The following KIF26A variants were observed in gnomAD, a reference collection of about 807,000 sequenced individuals.
KIF26A encodes the protein kinesin-like protein KIF26A.
A neutral mutation model predicts 126.0 loss-of-function variants in KIF26A; 74 were observed. That is an observed-to-expected ratio of 0.59 (90% CI 0.49 to 0.71). The LOEUF is 0.71. Among genes scored for constraint, KIF26A ranks in the 30% least tolerant of loss-of-function variants. The pLI is 0.00. For missense variants in KIF26A, 2,984 were observed against 2,763.3 expected, an observed-to-expected ratio of 1.08 and a Z score of -1.79; for synonymous variants, 1,445 against 1,232.7, an observed-to-expected ratio of 1.17 and a Z score of -3.61.
chr14:104,165,617 CTGTA>C (rs1260079801), intron 4 of KIF26A, among the ~76,000 whole-genome samples: 1 of 143,380 alleles, frequency 7.0e-6, no homozygotes, highest in Non-Finnish European at 1.5e-5. Context: ...GTCTCTGTCT[CTGTA>C]TGCATGTGTG....
rs752384349 is a variant in KIF26A, at chr14:104,157,876, T to C, written c.857T>C (p.Val286Ala). Reference protein sequence around the residue: ...GRGGVCTSALVTPTPGSVGGS... With the variant: ...GRGGVCTSALATPTPGSVGGS... ...GGTGGAGTCTGCACGTCAGCCCTGG[T>C]CACCCCCACCCCGGGCTCGGTGGGG... The change falls in exon 4 of 15, where the codon GTC (valine) becomes GCC (alanine). Residue 286 changes from valine to alanine, a missense_variant. Transcript: ENST00000423312. The C allele has an allele frequency of 6.3e-7, 1 of 1,596,084 alleles. No individual in the cohort carries two copies. The highest frequency in any genetic ancestry group is 1.1e-5 in the South Asian group (1 of 90,062).
rs528863668 is a variant in KIF26A, at chr14:104,139,020, G to A, written c.43-23G>A. 268 of 1,330,970 alleles carry A rather than the reference G, an allele frequency of 2.0e-4. 1 individual carries two copies. The African/African-American group carries it at 3.6e-3, about 18-fold the overall frequency. 82.4% of individuals were successfully genotyped at this position (1,330,970 alleles called of 1,614,324 possible). On this transcript the variant is annotated intron_variant, in intron 1 of 14. Transcript: ENST00000423312. ...GACGGACGTCCCAGGCTCACTGTCC[G>A]CTTCCGCCCCCACACCCTGCAGGTG...
chr14:104,179,642 C>G lies in KIF26A; in HGVS notation c.5501C>G (p.Ala1834Gly). ...GACCCGGAGCTGGAGCCCGAGTCGGCCGAGTACCTGGCGGCCCTGGAGCGA... is the reference window on the plus strand; with the variant it reads ...GACCCGGAGCTGGAGCCCGAGTCGGGCGAGTACCTGGCGGCCCTGGAGCGA... ...EVDPELEPES[A>G]EYLAALERAT... Residue 1834 changes from alanine (A) to glycine (G), a missense_variant, in exon 15 of 15, where the codon GCC becomes GGC. Physicochemically the swap from Ala to Gly is moderately conservative, Grantham distance 60 (BLOSUM62 0). Coordinates refer to ENST00000423312, the MANE Select transcript of KIF26A (RefSeq NM_015656.2). 4 of 1,543,930 alleles carry G rather than the reference C, an allele frequency of 2.6e-6. No individual in the cohort carries two copies. Among genetic ancestry groups the G allele is most frequent in the Non-Finnish European group, 3.5e-6 (4 of 1,143,738 alleles).
chr14:104,171,676 C>T (rs756331527), intron 5 of KIF26A, 47 bp from the exon 6 acceptor site: 11 of 1,490,552 alleles, frequency 7.4e-6, no homozygotes, highest in Middle Eastern at 3.8e-4. Context: ...AATTAGTGGC[C>T]GGCTGGGCGG....
chr14:104,157,823 T>C lies in KIF26A; in HGVS notation c.804T>C (p.Pro268=). 6.2e-7 allele frequency: 1 copy of C among 1,609,498 alleles called. No individual in the cohort carries two copies. Among genetic ancestry groups the C allele is most frequent in the Non-Finnish European group, 8.5e-7 (1 of 1,178,410 alleles). The change falls in exon 4 of 15, where the codon CCT becomes CCC. Residue 268 remains proline (P), a synonymous_variant. Coordinates refer to ENST00000423312, the MANE Select transcript of KIF26A (RefSeq NM_015656.2). ...GAGAATGCCCCCCCGTGGCCGGCCC[T>C]GATGGCTTGTCGAAGGCCTGGGGCC... ...TVRECPPVAG[P]DGLSKAWGRG... is the part of the protein sequence containing the mutation.
chr14:104,139,066 C>A lies in KIF26A; in HGVS notation c.66C>A (p.Arg22=). ...QPAVAEGGPA[R]EPPPLLEVSP... is the part of the protein sequence containing the mutation. The stretch of plus-strand genomic sequence containing the variant: ...AGGTGGCCGAGGGCGGCCCGGCCCG[C>A]GAGCCGCCGCCGCTGCTGGAGGTGT... The change falls in exon 2 of 15, where the codon CGC becomes CGA. Residue 22 remains arginine (R), a synonymous_variant. Transcript: ENST00000423312. 2 of 1,382,928 alleles carry A rather than the reference C, an allele frequency of 1.4e-6. No homozygotes were observed. The highest frequency in any genetic ancestry group is 1.9e-6 in the Non-Finnish European group (2 of 1,075,366). The allele number at this position is 1,382,928 out of a possible 1,614,324, so 85.7% of individuals were successfully genotyped here.
rs2038013114 is a variant in KIF26A, at chr14:104,175,600, A to G, written c.2812A>G (p.Lys938Glu). The part of the protein sequence containing the change: ...SAWPELLVPE[K>E]AAVSGGRRPL... ...TTGGCCTGAGCTGCTGGTCCCGGAA[A>G]AGGCTGCAGTGAGTGGAGGCAGGAG... The change falls in exon 12 of 15, where the codon AAG (lysine) becomes GAG (glutamate). Residue 938 changes from lysine to glutamate, a missense_variant. Coordinates refer to ENST00000423312, the MANE Select transcript of KIF26A (RefSeq NM_015656.2). 2 of 1,610,458 alleles carry G rather than the reference A, an allele frequency of 1.2e-6. No homozygotes were observed. Among genetic ancestry groups the G allele is most frequent in the African/African-American group, 2.7e-5 (2 of 74,928 alleles).
chr14:104,152,288 G>T lies in KIF26A; in HGVS notation c.562G>T (p.Gly188Trp). 6.3e-7 allele frequency: 1 copy of T among 1,588,058 alleles called. No individual in the cohort carries two copies. Among genetic ancestry groups the T allele is most frequent in the Non-Finnish European group, 8.6e-7 (1 of 1,169,542 alleles). Residue 188 changes from glycine to tryptophan, a missense_variant, in exon 3 of 15, where the codon GGG becomes TGG. Physicochemically the swap from Gly to Trp is radical, Grantham distance 184. Transcript: ENST00000423312. The surrounding 1 kb of genome is among the most constrained non-coding windows in gnomAD (Gnocchi z 5.9). ...TGCAGGGAGGCAGCCAGGACGAGCT[G>T]GGCCAGACAGGACCAAGGGGCTGGC... ...GPAGRQPGRA[G>W]PDRTKGLAWS... is the part of the protein sequence containing the mutation.
chr14:104,139,415 C>A, intron 2 of KIF26A, 127 bp downstream of exon 2: 1 of 1,179,334 alleles, frequency 8.5e-7, no homozygotes, highest in Non-Finnish European at 1.1e-6. Context: ...GAGTTATCAG[C>A]CAGGACTTCC....
At position 104,157,701 on chromosome 14, in the gene KIF26A, G is replaced by A. The variant is rs946308886; in HGVS notation, c.736-54G>A. 20 of 1,554,220 alleles carry A rather than the reference G, an allele frequency of 1.3e-5. No individual in the cohort carries two copies. The African/African-American group carries it at 1.4e-4, about 11-fold the overall frequency. ...TCTCTCCCACTCCGGGTGCCAGGGG[G>A]CAGTGGTGTCTCTGCCCTTGCGTTC... On this transcript the variant is annotated intron_variant, in intron 3 of 14. Transcript: ENST00000423312.
rs562841482 is a variant in KIF26A at position 104,158,077 on chromosome 14, C to T, written c.923+135C>T. 1.8e-4 allele frequency: 155 copies of T among 856,794 alleles called. 1 individual carries two copies. In the South Asian group the frequency reaches 3.0e-3, roughly 16 times the overall value. The allele number at this position is 856,794 out of a possible 1,614,324, so 53.1% of individuals were successfully genotyped here. On this transcript the variant is annotated intron_variant, in intron 4 of 14. Coordinates refer to ENST00000423312, the MANE Select transcript of KIF26A (RefSeq NM_015656.2). ...GCTGAGACGAGTGGATGGGGAGCTG[C>T]TCCGACCACAGCTGCTGAGCCGCTC...
chr14:104,147,086 C>CAGT (rs1341223931), intron 2 of KIF26A, among the ~76,000 whole-genome samples: 3 of 152,148 alleles, frequency 2.0e-5, no homozygotes, highest in Non-Finnish European at 4.4e-5. Flanking sequence ...CTGCAGCCTA[C>CAGT]ATGGAGTTGG....
At chr14:104,171,064 C>A (rs528160608) in intron 5 of KIF26A, among the ~76,000 whole-genome samples, 1 of 152,338 alleles carries the variant, frequency 6.6e-6, no homozygotes, top group African/African-American at 2.4e-5. Flanking sequence ...CCGGTGAGGC[C>A]GAGGCGTCAG....
Position 104,151,025 on chromosome 14 carries a change from G to T in KIF26A, c.289-990G>T, listed in dbSNP as rs1445619794. On this transcript the variant is annotated intron_variant, in intron 2 of 14. Coordinates refer to ENST00000423312, the MANE Select transcript of KIF26A (RefSeq NM_015656.2). This position sits in a 1 kb window ranked among gnomAD's most constrained non-coding sequence, Gnocchi z 4.9. ...CTCTGGCCCTGACTGTTGCAGAGTG[G>T]TCCCAAGGAGGGGCAAGGCCAGAGC... Among the ~76,000 whole-genome samples, 1 of 152,200 alleles carries T rather than the reference G, an allele frequency of 6.6e-6. No homozygotes were observed. The highest frequency in any genetic ancestry group is 1.9e-4 in the East Asian group (1 of 5,192).
Position 104,175,002 on chromosome 14 carries a change from CG to C in KIF26A, c.2218del (p.Glu740ArgfsTer82). The stretch of plus-strand genomic sequence containing the variant: ...CCCAGTACGCCTCCAGCTCCTCTGG[CG>C]GGGAGAGCTCCTGTGAGGAAGGCCG... The part of the protein sequence containing the change: ...KAKYASSSSG[G>X]ESSCEEGRAR... On this transcript the variant is annotated frameshift_variant, in exon 12 of 15. Coordinates refer to ENST00000423312, the MANE Select transcript of KIF26A (RefSeq NM_015656.2). LOFTEE classifies it high-confidence loss of function. The C allele has an allele frequency of 6.5e-7, 1 of 1,549,388 alleles. No individual in the cohort carries two copies.
At chr14:104,158,027 T>C in intron 4 of KIF26A, 85 bp downstream of exon 4, 2 of 1,281,050 alleles carry the variant, frequency 1.6e-6, no homozygotes, top group Non-Finnish European at 2.1e-6. Flanking sequence ...TGGGCCGTTC[T>C]TGGGGGACCT....
intron 2 of KIF26A, among the ~76,000 whole-genome samples, chr14:104,149,350 G>T (rs1436979483): frequency 2.6e-5 from 4 of 152,182 alleles, no homozygotes; most frequent in African/African-American, 7.2e-5. Flanking sequence ...TTTCGCTGTG[G>T]GGCCCGGCCT....
At chr14:104,164,684 A>G (rs895127124) in intron 4 of KIF26A, among the ~76,000 whole-genome samples, 2 of 150,528 alleles carry the variant, frequency 1.3e-5, no homozygotes, top group Non-Finnish European at 3.0e-5. Flanking sequence ...CTGCGTGTGT[A>G]TGTGTGTGCT....
At chr14:104,142,438 T>C (rs1211828927) in intron 2 of KIF26A, among the ~76,000 whole-genome samples, 2 of 152,046 alleles carry the variant, frequency 1.3e-5, no homozygotes, top group Non-Finnish European at 2.9e-5. Context: ...CCCTGTGGCC[T>C]GGCCTCCTGT....
Sources: allele counts gnomAD v4.1 joint callset (sites outside exome capture counted in the v4.1 genomes callset), GRCh38; gene constraint gnomAD v4.1.1; non-coding constraint Gnocchi (gnomAD v3.1); transcripts MANE v1.5; gene names NCBI Gene and HGNC (gene_info 2026-07-23, HGNC 2026-07-21).